EYS: variants seen among roughly 807,000 people sequenced by gnomAD.
EYS encodes EGF-like photoreceptor maintenance factor.
Under a neutral mutation model 282.1 loss-of-function variants are expected in EYS, and 250 were observed. The ratio of observed to expected loss-of-function variants is 0.89; its 90% CI spans 0.80 to 0.98. The LOEUF (loss-of-function observed/expected upper bound fraction) is 0.98, where lower values mean the gene tolerates loss of function less well. Among genes scored for constraint, EYS ranks in the 50% least tolerant of loss-of-function variants. EYS has a pLI of 0.00. For missense variants in EYS, 4,016 were observed against 3,709.0 expected (o/e 1.08, Z -2.15); for synonymous variants, 1,355 against 1,282.9 (o/e 1.06, Z -1.20).
chr6:65,254,239 C>T (rs563021644), intron 12 of EYS, among the ~76,000 whole-genome samples: 27 of 151,944 alleles, frequency 1.8e-4, no homozygotes, highest in African/African-American at 6.5e-4. Flanking sequence ...CAGACCAGTG[C>T]ACACATAGAA....
At chr6:63,726,244 C>G (rs1328599363) in intron 42 of EYS, among the ~76,000 whole-genome samples, 1 of 152,114 alleles carries the variant, frequency 6.6e-6, no homozygotes, top group Non-Finnish European at 1.5e-5. Context: ...ATAGTACTAT[C>G]GTGCATGGCT....
chr6:63,754,995 G>GTCTGTTGGCTGCAT (rs1372849581), intron 41 of EYS, among the ~76,000 whole-genome samples: 5 of 152,130 alleles, frequency 3.3e-5, no homozygotes, highest in African/African-American at 2.4e-5. Context: ...CTTCTTTTAT[G>GTCTGTTGGCTGCAT]AAGTGTCTGT....
At chr6:64,571,494 G>A (rs970272554) in intron 26 of EYS, among the ~76,000 whole-genome samples, 1 of 151,912 alleles carries the variant, frequency 6.6e-6, no homozygotes, top group African/African-American at 2.4e-5. Flanking sequence ...AGGAGCTGTT[G>A]TTTTTGAAAA....
chr6:65,612,300 A>G (rs1766030601), intron 2 of EYS, among the ~76,000 whole-genome samples: 2 of 151,474 alleles, frequency 1.3e-5, no homozygotes, highest in Admixed American at 1.3e-4. Context: ...ATCAAAAGAT[A>G]ATTCAGAGCT....
rs35765768 is a variant in EYS, at chr6:64,668,543, CTTTT to C, written c.3444-42302_3444-42299del. On this transcript the variant is annotated intron_variant, in intron 22 of 42. Transcript: ENST00000503581. ...CAGCCTTCCAGCTAGTACCACAATT[CTTTT>C]TTTTTTTTTTTTTTTTTTTCGGGAC... 5.3e-5 allele frequency among the ~76,000 whole-genome samples: 4 copies of C among 76,154 alleles called. No individual in the cohort carries two copies. In the Admixed American group the frequency reaches 7.1e-4, roughly 14 times the overall value. 50.0% of individuals were successfully genotyped at this position (76,154 alleles called of 152,430 possible). A position where few individuals can be genotyped will look rare whatever the true frequency, so the allele number is the denominator to read the frequency against.
At chr6:64,923,530 A>C (rs1428660603) in intron 15 of EYS, among the ~76,000 whole-genome samples, 1 of 152,146 alleles carries the variant, frequency 6.6e-6, no homozygotes, top group Non-Finnish European at 1.5e-5. Flanking sequence ...AGTCCCTCAA[A>C]GTCTTAACTC....
chr6:65,004,148 C>G (rs1424787831), intron 13 of EYS, among the ~76,000 whole-genome samples: 1 of 147,492 alleles, frequency 6.8e-6, no homozygotes, highest in African/African-American at 2.4e-5. Flanking sequence ...AATGCTTTCT[C>G]ATGCCTAAGG....
At chr6:65,162,934 T>TGG in intron 12 of EYS, among the ~76,000 whole-genome samples, 1 of 151,060 alleles carries the variant, frequency 6.6e-6, no homozygotes. Context: ...TGTGTGTGTG[T>TGG]GTCTGTGTGT....
At chr6:65,465,731 C>T (rs1043564193) in intron 5 of EYS, among the ~76,000 whole-genome samples, 1 of 152,122 alleles carries the variant, frequency 6.6e-6, no homozygotes, top group Non-Finnish European at 1.5e-5. Flanking sequence ...CTTGTAACTG[C>T]AGCACTTTAG....
At chr6:64,595,693 C>T (rs1416516017) in intron 24 of EYS, among the ~76,000 whole-genome samples, 1 of 151,988 alleles carries the variant, frequency 6.6e-6, no homozygotes, top group Non-Finnish European at 1.5e-5. Flanking sequence ...GTCACAATAG[C>T]CTCACAAAAG....
At chr6:64,205,327 G>A (rs772628774) in intron 31 of EYS, among the ~76,000 whole-genome samples, 34 of 152,204 alleles carry the variant, frequency 2.2e-4, no homozygotes, top group Non-Finnish European at 4.6e-4. Context: ...ATTGGGTGAT[G>A]CACTTTGATC....
At chr6:64,808,308 T>C (rs1764498961) in intron 22 of EYS, among the ~76,000 whole-genome samples, 1 of 152,148 alleles carries the variant, frequency 6.6e-6, no homozygotes, top group South Asian at 2.1e-4. Flanking sequence ...ATTAGCATTT[T>C]ATGGTAACAA....
At chr6:65,666,899 TA>T (rs1489511408) in intron 1 of EYS, among the ~76,000 whole-genome samples, 2 of 147,048 alleles carry the variant, frequency 1.4e-5, no homozygotes, top group East Asian at 4.0e-4. Flanking sequence ...TAAAAATAAA[TA>T]AAAAATACAT....
intron 11 of EYS, among the ~76,000 whole-genome samples, chr6:65,314,000 C>T (rs1329210767): frequency 6.6e-6 from 1 of 152,172 alleles, no homozygotes; most frequent in African/African-American, 2.4e-5. Flanking sequence ...ACCCACTCCC[C>T]TCCAGCCTTG....
At chr6:64,582,855 T>C (rs1766118054) in intron 26 of EYS, among the ~76,000 whole-genome samples, 1 of 152,106 alleles carries the variant, frequency 6.6e-6, no homozygotes, top group Non-Finnish European at 1.5e-5. Context: ...CTTTCATTTG[T>C]TAGGAAGGTG....
chr6:64,765,806 T>G (rs1773309147), intron 22 of EYS, among the ~76,000 whole-genome samples: 2 of 151,970 alleles, frequency 1.3e-5, no homozygotes, highest in Non-Finnish European at 2.9e-5. Context: ...CCCCCCATGA[T>G]CCAATCACCT....
At chr6:64,198,280 T>C (rs1438413377) in intron 31 of EYS, among the ~76,000 whole-genome samples, 1 of 152,032 alleles carries the variant, frequency 6.6e-6, no homozygotes, top group Non-Finnish European at 1.5e-5. Flanking sequence ...GGGCTGGGGT[T>C]ACAGGTGTGA....
intron 31 of EYS, among the ~76,000 whole-genome samples, chr6:64,187,744 C>T (rs1764990087): frequency 6.6e-6 from 1 of 152,058 alleles, no homozygotes; most frequent in South Asian, 2.1e-4. Context: ...TTAAGAACTG[C>T]ATATGTGAAA....
At chr6:64,287,478 A>G (rs936427244) in intron 30 of EYS, among the ~76,000 whole-genome samples, 1 of 152,198 alleles carries the variant, frequency 6.6e-6, no homozygotes, top group East Asian at 1.9e-4. Flanking sequence ...TAACCAATGC[A>G]GTGAATGAAA....
Sources: gnomAD v4.1 joint callset for allele counts (sites outside exome capture counted in the v4.1 genomes callset) on GRCh38, gnomAD v4.1.1 for gene constraint, MANE v1.5 for transcripts, NCBI Gene and HGNC (gene_info 2026-07-23, HGNC 2026-07-21) for gene names.